The following CTNNA3 variants were observed in gnomAD, a reference collection of about 807,000 sequenced individuals.
CTNNA3 encodes catenin alpha-3.
CTNNA3 carries 76 observed loss-of-function variants against 95.7 expected under a neutral mutation model. That is an observed-to-expected ratio of 0.79 (90% confidence interval 0.66 to 0.96). The LOEUF (loss-of-function observed/expected upper bound fraction) is 0.96, where lower values mean the gene tolerates loss of function less well. Among genes scored for constraint, CTNNA3 ranks in the 40% least tolerant of loss-of-function variants. The pLI is 0.00. For synonymous variants in CTNNA3, 431 were observed against 374.4 expected (o/e 1.15, Z -1.74); for missense variants, 1,191 against 1,089.8 (o/e 1.09, Z -1.31).
At chr10:67,086,086 TG>T (rs1254580934) in intron 7 of CTNNA3, among the ~76,000 whole-genome samples, 3 of 151,980 alleles carry the variant, frequency 2.0e-5, no homozygotes, top group African/African-American at 7.2e-5. Context: ...TAATGATGGA[TG>T]GATATGATAT....
At chr10:66,370,756 A>G (rs572811588) in intron 12 of CTNNA3, among the ~76,000 whole-genome samples, 3 of 152,208 alleles carry the variant, frequency 2.0e-5, no homozygotes, top group African/African-American at 4.8e-5. Flanking sequence ...GTTCCCCAGG[A>G]TAGAGTGCAG....
chr10:67,610,587 T>C (rs930694124), intron 2 of CTNNA3, among the ~76,000 whole-genome samples: 40 of 152,224 alleles, frequency 2.6e-4, no homozygotes, highest in Middle Eastern at 6.3e-3. Flanking sequence ...TGACTCACCA[T>C]AGCAGATGAT....
chr10:66,616,438 T>A (rs891492769), intron 10 of CTNNA3, among the ~76,000 whole-genome samples: 1 of 152,080 alleles, frequency 6.6e-6, no homozygotes, highest in Non-Finnish European at 1.5e-5. Context: ...CACATCATAG[T>A]CCTTTAAAGA....
At chr10:66,576,583 G>T (rs11816835) in intron 10 of CTNNA3, among the ~76,000 whole-genome samples, 43,673 of 151,812 alleles carry the variant, frequency 0.29, 6,690 homozygotes, top group Middle Eastern at 0.42. Flanking sequence ...CATGTGGAAT[G>T]TGGTTGTCTG....
chr10:66,125,882 C>T (rs1419154339), intron 13 of CTNNA3, among the ~76,000 whole-genome samples: 1 of 152,076 alleles, frequency 6.6e-6, no homozygotes, highest in African/African-American at 2.4e-5. Flanking sequence ...AAGCGCAGGC[C>T]TTTTTTGACT....
At chr10:66,477,997 G>A (rs1483610976) in intron 11 of CTNNA3, among the ~76,000 whole-genome samples, 1 of 152,060 alleles carries the variant, frequency 6.6e-6, no homozygotes, top group African/African-American at 2.4e-5. Context: ...TAAAGTGTTT[G>A]AATAGATAAA....
chr10:66,692,630 C>T (rs1166648072), intron 9 of CTNNA3, among the ~76,000 whole-genome samples: 4 of 151,956 alleles, frequency 2.6e-5, no homozygotes, highest in East Asian at 1.9e-4. Flanking sequence ...AGACACTCCT[C>T]GAGAAGAGCA....
At chr10:66,527,990 T>C (rs1162608626) in intron 10 of CTNNA3, among the ~76,000 whole-genome samples, 1 of 152,140 alleles carries the variant, frequency 6.6e-6, no homozygotes, top group Non-Finnish European at 1.5e-5. Context: ...AGGAATTAAT[T>C]GGATTGATTG....
At chr10:67,525,175 G>C (rs139572370) in intron 4 of CTNNA3, among the ~76,000 whole-genome samples, 1 of 149,390 alleles carries the variant, frequency 6.7e-6, no homozygotes, top group African/African-American at 2.5e-5. Context: ...TTTTTAACTC[G>C]TTATAAACCA....
At chr10:67,193,765 T>C (rs1487645116) in intron 6 of CTNNA3, among the ~76,000 whole-genome samples, 2 of 150,938 alleles carry the variant, frequency 1.3e-5, no homozygotes, top group Non-Finnish European at 2.9e-5. Flanking sequence ...TTTGATTCTA[T>C]GTCTTTGCTA....
At chr10:67,701,661 C>G (rs1841040650) in intron 1 of CTNNA3, among the ~76,000 whole-genome samples, 1 of 152,224 alleles carries the variant, frequency 6.6e-6, no homozygotes, top group Admixed American at 6.5e-5. Context: ...GTACCAGCTG[C>G]TGCAAATTCA....
intron 11 of CTNNA3, among the ~76,000 whole-genome samples, chr10:66,515,329 G>GTC (rs373915427): frequency 0.065 from 8,339 of 128,042 alleles, 272 homozygotes; most frequent in African/African-American, 0.088. Context: ...CTCCCTCTCT[G>GTC]TCTCTCTCTC....
intron 11 of CTNNA3, among the ~76,000 whole-genome samples, chr10:66,459,998 T>C (rs2093518198): frequency 6.6e-6 from 1 of 152,138 alleles, no homozygotes; most frequent in Non-Finnish European, 1.5e-5. Flanking sequence ...GATCTAACAT[T>C]TTTTTCTTCC....
intron 1 of CTNNA3, among the ~76,000 whole-genome samples, chr10:67,726,638 TAA>T (rs1245535614): frequency 2.9e-5 from 2 of 68,758 alleles, no homozygotes; most frequent in African/African-American, 6.0e-5. Flanking sequence ...ATATTATATA[TAA>T]TATATACTAT....
chr10:67,477,526 C>G (rs1262951457), intron 5 of CTNNA3, among the ~76,000 whole-genome samples: 1 of 152,102 alleles, frequency 6.6e-6, no homozygotes, highest in Non-Finnish European at 1.5e-5. Flanking sequence ...CCTGCATAGC[C>G]CAATACAAAA....
At chr10:66,624,833 A>T (rs890044618) in intron 9 of CTNNA3, among the ~76,000 whole-genome samples, 1 of 152,164 alleles carries the variant, frequency 6.6e-6, no homozygotes, top group Non-Finnish European at 1.5e-5. Context: ...ATTAACTAGC[A>T]ATATGTGTAT....
chr10:66,541,146 G>T (rs981440992), intron 10 of CTNNA3, among the ~76,000 whole-genome samples: 1 of 151,958 alleles, frequency 6.6e-6, no homozygotes, highest in African/African-American at 2.4e-5. Flanking sequence ...GGATGCTCAG[G>T]TGCCTCCTTA....
intron 13 of CTNNA3, among the ~76,000 whole-genome samples, chr10:66,213,135 CAGTT>C (rs1369423498): frequency 2.0e-5 from 3 of 152,280 alleles, no homozygotes; most frequent in African/African-American, 7.2e-5. Flanking sequence ...CAAAGTTTTA[CAGTT>C]AAAGTAGTTT....
intron 5 of CTNNA3, among the ~76,000 whole-genome samples, chr10:67,403,645 G>A (rs975773772): frequency 3.3e-5 from 5 of 152,164 alleles, no homozygotes; most frequent in Admixed American, 2.6e-4. Context: ...TGTGGGCCTT[G>A]GAAAGTGCAA....
Sources: allele counts gnomAD v4.1 joint callset (sites outside exome capture counted in the v4.1 genomes callset), GRCh38; gene constraint gnomAD v4.1.1; transcripts MANE v1.5; gene names NCBI Gene and HGNC (gene_info 2026-07-23, HGNC 2026-07-21).